MICAL3: variants seen among roughly 807,000 people sequenced by gnomAD.
The protein encoded by MICAL3 is microtubule associated monooxygenase, calponin and LIM domain containing 3, also known as [F-actin]-monooxygenase MICAL3.
In MICAL3, 62 loss-of-function variants were observed where a neutral mutation model predicts 207.4. The ratio of observed to expected loss-of-function variants is 0.30; its 90% confidence interval spans 0.24 to 0.37. The LOEUF (loss-of-function observed/expected upper bound fraction) is 0.37. Among genes scored for constraint, MICAL3 ranks in the 10% least tolerant of loss-of-function variants. MICAL3 has a pLI of 1.00. For synonymous variants in MICAL3, 1,077 were observed against 1,069.3 expected, an observed-to-expected ratio of 1.01 and a Z score of -0.14; for missense variants, 2,368 against 2,635.6, an observed-to-expected ratio of 0.90 and a Z score of 2.22.
intron 1 of MICAL3, chr22:17,981,064 C>A: frequency 3.0e-6 from 1 of 334,152 alleles, no homozygotes; most frequent in Non-Finnish European, 6.6e-6. Flanking sequence ...AGACTGGTCT[C>A]CAAAAACATG....
chr22:17,996,773 G>A (rs528970926), intron 1 of MICAL3, among the ~76,000 whole-genome samples: 9 of 152,248 alleles, frequency 5.9e-5, no homozygotes, highest in South Asian at 2.1e-4. Context: ...TCCCCACCAC[G>A]CCCACAATGT....
chr22:17,818,165 C>CG lies in MICAL3; in HGVS notation c.4495dup (p.Arg1499ProfsTer26), dbSNP rs765803753. 6 of 1,594,372 alleles carry CG rather than the reference C, an allele frequency of 3.8e-6. No homozygotes were observed. Among genetic ancestry groups the CG allele is most frequent in the Middle Eastern group, 1.7e-4 (1 of 6,052 alleles). ...CTCTCTGGGGGGCTGAGCAGGCTCC[C>CG]GGGGGGGCCGCATCCAGGTGGCGGG... On this transcript the variant is annotated frameshift_variant, in exon 26 of 32. Transcript: ENST00000441493. LOFTEE classifies it high-confidence loss of function.
chr22:17,868,472 C>G (rs1907821004), intron 17 of MICAL3, among the ~76,000 whole-genome samples: 1 of 152,204 alleles, frequency 6.6e-6, no homozygotes, highest in South Asian at 2.1e-4. Flanking sequence ...GAACAGGAGG[C>G]CGAGTGACCT....
At chr22:17,875,573 A>AG in intron 16 of MICAL3, 1 of 1,480,332 alleles carries the variant, frequency 6.8e-7, no homozygotes, top group Non-Finnish European at 9.2e-7. Context: ...TACAAGATGG[A>AG]GAAAAACAAA....
intron 1 of MICAL3, among the ~76,000 whole-genome samples, chr22:17,951,509 C>T (rs1934348378): frequency 6.6e-6 from 1 of 151,454 alleles, no homozygotes; most frequent in Non-Finnish European, 1.5e-5. Flanking sequence ...ATCCCTGCTT[C>T]GCCAAAGGAA....
intron 1 of MICAL3, among the ~76,000 whole-genome samples, chr22:17,930,571 A>G (rs1270622491): frequency 6.6e-6 from 1 of 151,934 alleles, no homozygotes; most frequent in Non-Finnish European, 1.5e-5. Flanking sequence ...ATACTGCACG[A>G]CTCCATGTAC....
Position 17,818,228 on chromosome 22 carries a change from TC to T in MICAL3, c.4432del (p.Glu1478ArgfsTer127). 2.9e-6 allele frequency: 4 copies of T among 1,380,850 alleles called. No homozygotes were observed. Among genetic ancestry groups the T allele is most frequent in the Non-Finnish European group, 3.8e-6 (4 of 1,056,142 alleles). 85.5% of individuals were successfully genotyped at this position (1,380,850 alleles called of 1,614,324 possible). A position where few individuals can be genotyped will look rare whatever the true frequency, so the allele number is the denominator to read the frequency against. ...EPATLRRKLR[E>X]AEPNASVVPP... is the part of the protein sequence containing the mutation. ...GACCACCGAGGCATTGGGCTCGGCC[TC>T]CCTGAGCTTCCTCCGCAAGGTGGCG... On this transcript the variant is annotated frameshift_variant, in exon 26 of 32. Transcript: ENST00000441493. LOFTEE classifies it high-confidence loss of function.
At chr22:17,885,748 G>T (rs1463378127) in intron 16 of MICAL3, 130 bp downstream of exon 16, 5 of 934,076 alleles carry the variant, frequency 5.4e-6, no homozygotes, top group Non-Finnish European at 8.4e-6. Flanking sequence ...GCAGTCAGGC[G>T]AGGGAAAGCC....
intron 1 of MICAL3, among the ~76,000 whole-genome samples, chr22:17,946,537 G>A (rs566919905): frequency 1.3e-5 from 2 of 152,288 alleles, no homozygotes; most frequent in African/African-American, 4.8e-5. Flanking sequence ...TGCAGCCCCG[G>A]AATGTCTCAG....
intron 1 of MICAL3, among the ~76,000 whole-genome samples, chr22:17,955,421 G>C (rs1569145922): frequency 6.6e-6 from 1 of 152,168 alleles, no homozygotes; most frequent in East Asian, 1.9e-4. Context: ...TCTCCACAGG[G>C]AACCTTCCTC....
chr22:17,909,612 G>A (rs2146274323), intron 1 of MICAL3, among the ~76,000 whole-genome samples: 1 of 152,350 alleles, frequency 6.6e-6, no homozygotes, highest in African/African-American at 2.4e-5. Context: ...AAGAAATGGA[G>A]TTAACTGGAA....
rs1377072598 is a variant in MICAL3 at position 17,817,818 on chromosome 22, T to A, written c.4843A>T (p.Arg1615Trp). 1 of 1,610,398 alleles carries A rather than the reference T, an allele frequency of 6.2e-7. No individual in the cohort carries two copies. Among genetic ancestry groups the A allele is most frequent in the East Asian group, 2.2e-5 (1 of 44,786 alleles). Reference sequence around the variant, plus strand: ...ATCTGCTGCATCCTGCTCAGCTGCCTGGCCATGGCGTCCCGCAGCGCCTGG... The same window carrying A: ...ATCTGCTGCATCCTGCTCAGCTGCCAGGCCATGGCGTCCCGCAGCGCCTGG... ...KSQALRDAMA[R>W]QLSRMQQMEL... Residue 1615 changes from arginine (R) to tryptophan (W), a missense_variant, in exon 26 of 32, where the codon AGG (arginine) becomes TGG (tryptophan). Transcript: ENST00000441493.
chr22:17,997,108 T>A (rs1306117103), intron 1 of MICAL3, among the ~76,000 whole-genome samples: 1 of 132,572 alleles, frequency 7.5e-6, no homozygotes, highest in Non-Finnish European at 1.5e-5. Flanking sequence ...CAGGCTGGAG[T>A]GCTGGAGTGC....
At chr22:17,815,832 C>T (rs898820787) in intron 27 of MICAL3, among the ~76,000 whole-genome samples, 7 of 152,236 alleles carry the variant, frequency 4.6e-5, no homozygotes, top group Non-Finnish European at 1.0e-4. Flanking sequence ...CAAATGGGCA[C>T]GTGACGGGCT....
chr22:17,835,602 C>G (rs1273470004), intron 20 of MICAL3, among the ~76,000 whole-genome samples: 1 of 152,230 alleles, frequency 6.6e-6, no homozygotes, highest in Non-Finnish European at 1.5e-5. Flanking sequence ...AGCCTGGAAA[C>G]TTCTTAAGCA....
Position 17,817,465 on chromosome 22 carries a change from G to A in MICAL3, c.5196C>T (p.Ala1732=), listed in dbSNP as rs745566621. ...EKPSSNLLEE[A]AAKPKSLWKS... The stretch of plus-strand genomic sequence containing the variant: ...TCCACAGGGACTTGGGTTTGGCGGC[G>A]GCTTCTTCTAGGAGGTTGGAGCTGG... The change falls in exon 26 of 32, where the codon GCC becomes GCT. Residue 1732 remains alanine (A), a synonymous_variant. Coordinates refer to ENST00000441493, the MANE Select transcript of MICAL3 (RefSeq NM_015241.3). The A allele has an allele frequency of 2.7e-4, 432 of 1,613,754 alleles. 5 individuals are homozygous for A. The South Asian group carries it at 4.4e-3, about 16-fold the overall frequency.
intron 1 of MICAL3, among the ~76,000 whole-genome samples, chr22:17,992,174 G>A (rs535915903): frequency 6.6e-6 from 1 of 152,350 alleles, no homozygotes; most frequent in African/African-American, 2.4e-5. Context: ...CAGCTCCAAA[G>A]TGGTGACGGG....
chr22:17,795,335 C>T (rs770019094), intron 29 of MICAL3, among the ~76,000 whole-genome samples: 14 of 152,340 alleles, frequency 9.2e-5, no homozygotes, highest in East Asian at 1.9e-4. Context: ...CCATCAAATA[C>T]GTCAGTGAAC....
intron 1 of MICAL3, among the ~76,000 whole-genome samples, chr22:17,908,965 T>C (rs935352181): frequency 3.3e-5 from 5 of 152,144 alleles, no homozygotes; most frequent in African/African-American, 1.2e-4. Context: ...CAGTGTGAAG[T>C]AGAAATGACA....
Sources: gnomAD v4.1 joint callset for allele counts (sites outside exome capture counted in the v4.1 genomes callset) on GRCh38, gnomAD v4.1.1 for gene constraint, MANE v1.5 for transcripts, NCBI Gene and HGNC (gene_info 2026-07-23, HGNC 2026-07-21) for gene names.